The following EPHA5 variants were observed in gnomAD, a reference collection of about 807,000 sequenced individuals.
EPHA5 encodes EPH receptor A5.
A neutral mutation model predicts 105.0 loss-of-function variants in EPHA5; 60 were observed. The observed-to-expected ratio is 0.57, with a 90% CI of 0.46 to 0.71. The LOEUF (loss-of-function observed/expected upper bound fraction) is 0.71, where lower values mean the gene tolerates loss of function less well. EPHA5 is among the 30% of genes least tolerant of loss of function. The probability of loss-of-function intolerance (pLI) is 0.00; values close to 1 mark genes in which losing one functional copy is unlikely to be tolerated. For synonymous variants in EPHA5, 513 were observed against 449.1 expected (o/e 1.14, Z -1.80); for missense variants, 1,218 against 1,274.7 (o/e 0.96, Z 0.68).
At chr4:65,424,710 G>C (rs1348123022) in intron 5 of EPHA5, among the ~76,000 whole-genome samples, 1 of 151,962 alleles carries the variant, frequency 6.6e-6, no homozygotes, top group Non-Finnish European at 1.5e-5. Context: ...GAGATCCAAA[G>C]GCAAAGTGCT....
intron 8 of EPHA5, among the ~76,000 whole-genome samples, chr4:65,389,948 G>T (rs540693160): frequency 2.4e-4 from 37 of 152,000 alleles, no homozygotes; most frequent in African/African-American, 8.7e-4. Context: ...CTTCTGCATG[G>T]AAGTAGGGGT....
chr4:65,465,486 A>G (rs1473201915), intron 5 of EPHA5, among the ~76,000 whole-genome samples: 1 of 112,144 alleles, frequency 8.9e-6, no homozygotes, highest in Admixed American at 9.6e-5. Flanking sequence ...AAAGAAAGAA[A>G]GAAAGAAAGA....
At chr4:65,525,427 G>A (rs1271763480) in intron 3 of EPHA5, among the ~76,000 whole-genome samples, 1 of 151,678 alleles carries the variant, frequency 6.6e-6, no homozygotes, top group Non-Finnish European at 1.5e-5. Context: ...TATGAGGCTG[G>A]AACATTTTCA....
intron 11 of EPHA5, among the ~76,000 whole-genome samples, chr4:65,353,551 C>A (rs1353423280): frequency 6.6e-6 from 1 of 150,522 alleles, no homozygotes; most frequent in African/African-American, 2.4e-5. Flanking sequence ...AATATCATCA[C>A]TAATTTATGT....
chr4:65,575,121 AG>A (rs2149384859), intron 3 of EPHA5, among the ~76,000 whole-genome samples: 1 of 152,172 alleles, frequency 6.6e-6, no homozygotes, highest in African/African-American at 2.4e-5. Flanking sequence ...CTAGGATGAC[AG>A]CAATCAACAG....
intron 15 of EPHA5, among the ~76,000 whole-genome samples, 178 bp from the exon 16 acceptor site, chr4:65,332,306 C>A (rs1720700159): frequency 6.6e-6 from 1 of 151,672 alleles, no homozygotes; most frequent in East Asian, 1.9e-4. Context: ...AACACAAAAT[C>A]AGTCTACTGA....
intron 5 of EPHA5, among the ~76,000 whole-genome samples, chr4:65,460,495 T>C (rs2149129208): frequency 6.6e-6 from 1 of 151,470 alleles, no homozygotes; most frequent in South Asian, 2.1e-4. Context: ...GTGCCTGGAA[T>C]ATACTAAATA....
At chr4:65,377,632 C>G (rs1353842787) in intron 8 of EPHA5, among the ~76,000 whole-genome samples, 3 of 151,908 alleles carry the variant, frequency 2.0e-5, no homozygotes, top group Non-Finnish European at 4.4e-5. Flanking sequence ...GATTTAAAAA[C>G]AGTATCTCCA....
intron 2 of EPHA5, among the ~76,000 whole-genome samples, chr4:65,624,250 G>T (rs1324926680): frequency 6.6e-6 from 1 of 152,074 alleles, no homozygotes; most frequent in Non-Finnish European, 1.5e-5. Context: ...AGAAAATCAT[G>T]AGATTTAATA....
Position 65,425,050 on chromosome 4 carries a change from A to G in EPHA5, c.1403-4485T>C, listed in dbSNP as rs1432403190. Among the ~76,000 whole-genome samples the G allele has an allele frequency of 4.6e-5, 7 of 152,094 alleles. No homozygotes were observed. The East Asian group carries it at 1.3e-3, about 29-fold the overall frequency. On this transcript the variant is annotated intron_variant, in intron 5 of 16. Coordinates refer to ENST00000613740, the MANE Select transcript of EPHA5 (RefSeq NM_001281766.3). ...ATTGGTTACTTGTATTTAAAAAAAT[A>G]AATAAATAAAACTCCATGCATTTGA... is the stretch of plus-strand genomic sequence containing the variant.
At chr4:65,390,736 C>T (rs1720630688) in intron 8 of EPHA5, among the ~76,000 whole-genome samples, 5 of 151,914 alleles carry the variant, frequency 3.3e-5, no homozygotes, top group South Asian at 2.1e-4. Flanking sequence ...TTTATAATAA[C>T]GATGGCTAAA....
intron 5 of EPHA5, among the ~76,000 whole-genome samples, chr4:65,458,127 A>G (rs1303072010): frequency 1.3e-5 from 2 of 151,380 alleles, no homozygotes. Context: ...AAGTTTTTAT[A>G]CTAAGATAAT....
At chr4:65,641,737 C>T (rs1747688390) in intron 2 of EPHA5, among the ~76,000 whole-genome samples, 1 of 151,894 alleles carries the variant, frequency 6.6e-6, no homozygotes. Flanking sequence ...ACATCTGGTA[C>T]ACTATGTTGA....
At chr4:65,377,358 T>G (rs1305858086) in intron 8 of EPHA5, among the ~76,000 whole-genome samples, 4 of 151,996 alleles carry the variant, frequency 2.6e-5, no homozygotes, top group Non-Finnish European at 5.9e-5. Flanking sequence ...CATATAGACA[T>G]ATAAATAAAG....
Position 65,425,459 on chromosome 4 carries a change from C to A in EPHA5, c.1403-4894G>T, listed in dbSNP as rs140806781. ...TTCCAAAACAACACAGAGTATTAGGCTTCTCTCCAGAAAATTCTGACTCTG... is the reference window on the plus strand; with the variant it reads ...TTCCAAAACAACACAGAGTATTAGGATTCTCTCCAGAAAATTCTGACTCTG... On this transcript the variant is annotated intron_variant, in intron 5 of 16. Transcript: ENST00000613740. Among the ~76,000 whole-genome samples the A allele has an allele frequency of 3.4e-4, 52 of 152,152 alleles. No homozygotes were observed. In the East Asian group the frequency reaches 9.9e-3, roughly 29 times the overall value.
intron 5 of EPHA5, among the ~76,000 whole-genome samples, chr4:65,435,971 A>G (rs1356606688): frequency 6.6e-6 from 1 of 152,092 alleles, no homozygotes; most frequent in East Asian, 1.9e-4. Context: ...AGCATTTATT[A>G]TAATGTTACA....
chr4:65,326,126 A>T (rs937652580), intron 16 of EPHA5, among the ~76,000 whole-genome samples: 1 of 150,402 alleles, frequency 6.6e-6, no homozygotes, highest in Non-Finnish European at 1.5e-5. Flanking sequence ...ACACATATAA[A>T]TTGGTGACAT....
Position 65,332,130 on chromosome 4 carries a change from T to C in EPHA5, c.2790-2A>G. ...TGTTCTGCCAATAAATTAGATACTC[T>C]AAAACACATAAAACATAAATATTAA... On this transcript the variant is annotated splice_acceptor_variant, in intron 15 of 16. Transcript: ENST00000613740. LOFTEE classifies it high-confidence loss of function. The C allele has an allele frequency of 1.3e-6, 2 of 1,571,420 alleles. No individual in the cohort carries two copies. Among genetic ancestry groups the C allele is most frequent in the Non-Finnish European group, 1.7e-6 (2 of 1,162,674 alleles).
rs113822485 is a variant in EPHA5 at position 65,516,603 on chromosome 4, C to T, written c.911-21060G>A. On this transcript the variant is annotated intron_variant, in intron 3 of 16. Transcript: ENST00000613740. The stretch of plus-strand genomic sequence containing the variant: ...GCATATGTCTGTGTGTCTGTGTTTC[C>T]TACTGGTTCTGTTTTTCTGGAGAAC... Among the ~76,000 whole-genome samples, 726 of 151,918 alleles carry T rather than the reference C, an allele frequency of 4.8e-3. 2 individuals are homozygous for T. The highest frequency in any genetic ancestry group is 9.7e-3 in the Admixed American group (148 of 15,212).
Sources: allele counts gnomAD v4.1 joint callset (sites outside exome capture counted in the v4.1 genomes callset), GRCh38; gene constraint gnomAD v4.1.1; transcripts MANE v1.5; gene names NCBI Gene and HGNC (gene_info 2026-07-23, HGNC 2026-07-21).